Variants in CELF1 observed in about 807,000 individuals in gnomAD.
CELF1 encodes 50 kDa nuclear polyadenylated RNA-binding protein.
Under a neutral mutation model 61.8 loss-of-function variants are expected in CELF1, and 10 were observed. The ratio of observed to expected loss-of-function variants is 0.16; its 90% CI spans 0.10 to 0.27. The LOEUF (loss-of-function observed/expected upper bound fraction) is 0.27, where lower values mean the gene tolerates loss of function less well. Ranked by LOEUF, CELF1 falls within the 10% of genes least tolerant of loss-of-function variation. The pLI, the probability that CELF1 is intolerant of heterozygous loss-of-function variation, is 1.00. For synonymous variants in CELF1, 236 were observed against 225.1 expected (o/e 1.05, Z -0.43); for missense variants, 380 against 639.1 (o/e 0.59, Z 4.37).
chr11:47,479,887 A>T (rs1281524973), intron 9 of CELF1, among the ~76,000 whole-genome samples: 1 of 152,038 alleles, frequency 6.6e-6, no homozygotes, highest in South Asian at 2.1e-4. Flanking sequence ...AAGTTTCAGG[A>T]GGTCTACAAA....
rs148832418 is a variant in CELF1 at position 47,486,876 on chromosome 11, G to A, written c.343-78C>T. On this transcript the variant is annotated intron_variant, in intron 5 of 14. Transcript: ENST00000687097. Reference sequence around the variant, plus strand: ...AATACATATGGACTCTAAAATACCAGAACTAGAGCTTTAAAGAGTTCTCTC... The same window carrying A: ...AATACATATGGACTCTAAAATACCAAAACTAGAGCTTTAAAGAGTTCTCTC... 1,447 of 1,104,104 alleles carry A rather than the reference G, an allele frequency of 1.3e-3. 1 individual carries two copies. Among genetic ancestry groups the A allele is most frequent in the Non-Finnish European group, 1.9e-3 (1,339 of 719,768 alleles). The allele number at this position is 1,104,104 out of a possible 1,614,324, so 68.4% of individuals were successfully genotyped here. A position where few individuals can be genotyped will look rare whatever the true frequency, so the allele number is the denominator to read the frequency against.
chr11:47,528,402 A>G (rs981565034), intron 1 of CELF1, among the ~76,000 whole-genome samples: 8 of 152,172 alleles, frequency 5.3e-5, no homozygotes, highest in African/African-American at 1.9e-4. Context: ...CCAGATTTTC[A>G]GTTTAAGGAC....
intron 1 of CELF1, among the ~76,000 whole-genome samples, chr11:47,535,245 A>AT (rs1450999766): frequency 6.6e-6 from 1 of 152,166 alleles, no homozygotes; most frequent in Non-Finnish European, 1.5e-5. Flanking sequence ...TATAAATTCC[A>AT]TTTAAATGTG....
At chr11:47,538,470 C>T (rs888921974) in intron 1 of CELF1, among the ~76,000 whole-genome samples, 2 of 151,886 alleles carry the variant, frequency 1.3e-5, no homozygotes, top group African/African-American at 2.4e-5. Context: ...GGTGAAACCC[C>T]GTCTCTACTA....
chr11:47,504,727 C>T (rs2094326103), intron 1 of CELF1, among the ~76,000 whole-genome samples: 1 of 150,882 alleles, frequency 6.6e-6, no homozygotes, highest in Non-Finnish European at 1.5e-5. Context: ...CATGGTGAAA[C>T]CCCATCTCTA....
At chr11:47,504,206 A>G (rs1307969760) in intron 1 of CELF1, among the ~76,000 whole-genome samples, 2 of 151,978 alleles carry the variant, frequency 1.3e-5, no homozygotes, top group Non-Finnish European at 2.9e-5. Flanking sequence ...AAACAACAAA[A>G]TAAGTTTTCC....
intron 4 of CELF1, 135 bp downstream of exon 4, chr11:47,488,702 A>T (rs577625137): frequency 1.6e-6 from 1 of 607,992 alleles, no homozygotes; most frequent in South Asian, 4.1e-5. Flanking sequence ...TATTCTGGCA[A>T]TGACAGAGAG....
At chr11:47,503,914 C>A (rs2094217473) in intron 1 of CELF1, among the ~76,000 whole-genome samples, 1 of 152,170 alleles carries the variant, frequency 6.6e-6, no homozygotes, top group African/African-American at 2.4e-5. Context: ...AGGCTTCACG[C>A]CTATATTCCC....
At chr11:47,535,428 C>T (rs2096602412) in intron 1 of CELF1, among the ~76,000 whole-genome samples, 1 of 152,058 alleles carries the variant, frequency 6.6e-6, no homozygotes, top group Non-Finnish European at 1.5e-5. Context: ...CCTGTAATCC[C>T]AGCACTTTGG....
chr11:47,512,250 T>A (rs1307117581), intron 1 of CELF1, among the ~76,000 whole-genome samples: 1 of 152,078 alleles, frequency 6.6e-6, no homozygotes, highest in African/African-American at 2.4e-5. Flanking sequence ...CCTCCCAGGT[T>A]CAAACGATTC....
chr11:47,499,586 T>A lies in CELF1; in HGVS notation c.-63A>T. The A allele has an allele frequency of 7.5e-7, 1 of 1,328,992 alleles. No individual in the cohort carries two copies. The highest frequency in any genetic ancestry group is 2.0e-5 in the Admixed American group (1 of 50,208). The allele number at this position is 1,328,992 out of a possible 1,614,324, so 82.3% of individuals were successfully genotyped here. On this transcript the variant is annotated 5_prime_UTR_variant, in exon 3 of 15. Coordinates refer to ENST00000687097, the MANE Select transcript of CELF1 (RefSeq NM_001376376.1). ...TTGCTGCACTTGTCTGATCCACAAATACACACAGCTTTAGCTTCCTGGGCC... is the reference window on the plus strand; with the variant it reads ...TTGCTGCACTTGTCTGATCCACAAAAACACACAGCTTTAGCTTCCTGGGCC...
chr11:47,505,206 C>A lies in CELF1; in HGVS notation c.-153-4274G>T, dbSNP rs1429060917. 4.0e-5 allele frequency among the ~76,000 whole-genome samples: 6 copies of A among 151,332 alleles called. 1 individual carries two copies. Among genetic ancestry groups the A allele is most frequent in the Non-Finnish European group, 4.4e-5 (3 of 67,666 alleles). ...AGTAACACTGACCCAACAGTCCTGT[C>A]AAATTGTGACCACCCTTCCAATCAA... On this transcript the variant is annotated intron_variant, in intron 1 of 14. Coordinates refer to ENST00000687097, the MANE Select transcript of CELF1 (RefSeq NM_001376376.1).
At chr11:47,540,315 A>T (rs1266233458) in intron 1 of CELF1, among the ~76,000 whole-genome samples, 1 of 152,232 alleles carries the variant, frequency 6.6e-6, no homozygotes, top group Non-Finnish European at 1.5e-5. Flanking sequence ...CCTAAACACG[A>T]AATGTGATGT....
intron 2 of CELF1, among the ~76,000 whole-genome samples, chr11:47,558,667 A>AATATAATATGTAATATATTAT: frequency 9.9e-6 from 1 of 101,328 alleles, no homozygotes; most frequent in Non-Finnish European, 1.8e-5. Context: ...TATATTACAT[A>AATATAATATGTAATATATTAT]ATATAATATG....
At chr11:47,495,874 C>T (rs2092994254) in intron 3 of CELF1, 5 of 482,218 alleles carry the variant, frequency 1.0e-5, no homozygotes, top group Non-Finnish European at 1.4e-5. Flanking sequence ...ATTATTTTTT[C>T]ACTCCCCCTT....
At chr11:47,519,406 G>C (rs1481404523) in intron 1 of CELF1, among the ~76,000 whole-genome samples, 1 of 151,866 alleles carries the variant, frequency 6.6e-6, no homozygotes, top group Non-Finnish European at 1.5e-5. Context: ...ACTTGAACAG[G>C]GAGGCACAGG....
intron 1 of CELF1, among the ~76,000 whole-genome samples, chr11:47,502,292 ACTT>A (rs1193688074): frequency 1.3e-5 from 2 of 152,186 alleles, no homozygotes; most frequent in Non-Finnish European, 2.9e-5. Flanking sequence ...GAAAGAGGGC[ACTT>A]CTTCTCAGGC....
intron 1 of CELF1, among the ~76,000 whole-genome samples, chr11:47,541,654 T>TA (rs2096776625): frequency 6.8e-6 from 1 of 146,724 alleles, no homozygotes; most frequent in South Asian, 2.2e-4. Flanking sequence ...CTCACCACTG[T>TA]ACTCCAGAGC....
At chr11:47,549,749 C>T (rs991243852) in intron 1 of CELF1, among the ~76,000 whole-genome samples, 1 of 151,860 alleles carries the variant, frequency 6.6e-6, no homozygotes, top group African/African-American at 2.4e-5. Context: ...TGTTTTCCAA[C>T]AGTGCGAATG....
Sources: gnomAD v4.1 joint callset for allele counts (sites outside exome capture counted in the v4.1 genomes callset) on GRCh38, gnomAD v4.1.1 for gene constraint, MANE v1.5 for transcripts, NCBI Gene and HGNC (gene_info 2026-07-23, HGNC 2026-07-21) for gene names.